Variants in SERPINA9 observed in about 807,000 individuals in gnomAD.
The protein encoded by SERPINA9 is serpin A9.
A neutral mutation model predicts 24.5 loss-of-function variants in SERPINA9; 32 were observed. The observed-to-expected ratio is 1.30, with a 90% CI of 0.98 to 1.75. The LOEUF is 1.75. SERPINA9 is among the 40% of genes most tolerant of loss of function. The probability of loss-of-function intolerance (pLI) is 0.00; values close to 1 mark genes in which losing one functional copy is unlikely to be tolerated. For synonymous variants in SERPINA9, 233 were observed against 197.7 expected (o/e 1.18, Z -1.50); for missense variants, 594 against 497.1 (o/e 1.19, Z -1.85).
chr14:94,466,147 C>T (rs1428214025), intron 3 of SERPINA9, among the ~76,000 whole-genome samples: 1 of 152,180 alleles, frequency 6.6e-6, no homozygotes, highest in East Asian at 1.9e-4. Context: ...GCCCCAGATG[C>T]AGCCTGAGAA....
intron 1 of SERPINA9, 130 bp from the exon 2 acceptor site, chr14:94,469,987 CA>C: frequency 1.3e-6 from 1 of 759,408 alleles, no homozygotes; most frequent in South Asian, 3.5e-5. Flanking sequence ...AGCTCTCTCA[CA>C]TAATCTCTGA....
At chr14:94,472,569 C>T (rs1239097016) in intron 1 of SERPINA9, among the ~76,000 whole-genome samples, 2 of 152,144 alleles carry the variant, frequency 1.3e-5, no homozygotes, top group Non-Finnish European at 2.9e-5. Flanking sequence ...TGAACATGTA[C>T]GCTTATTATG....
chr14:94,464,848 T>C lies in SERPINA9; in HGVS notation c.909A>G (p.Ile303Met), dbSNP rs766696907. 2.5e-6 allele frequency: 4 copies of C among 1,613,026 alleles called. No individual in the cohort carries two copies. The highest frequency in any genetic ancestry group is 3.3e-5 in the Admixed American group (2 of 59,840). ...KWSHSLQKRW[I>M]EVFIPRFSIS... is the part of the protein sequence containing the mutation. ...TGGAAAATCTGGGGATGAACACCTC[T>C]ATCCACCTGTGGAGTAGGGAAAAGG... The change falls in exon 4 of 5, where the codon ATA becomes ATG. Residue 303 changes from isoleucine to methionine, a missense_variant. Ile to Met is a conservative substitution (Grantham distance 10). Coordinates refer to ENST00000674397, the MANE Select transcript of SERPINA9 (RefSeq NM_175739.4).
chr14:94,475,531 T>C (rs1456483298), intron 1 of SERPINA9, among the ~76,000 whole-genome samples: 1 of 151,994 alleles, frequency 6.6e-6, no homozygotes, highest in African/African-American at 2.4e-5. Context: ...TGTCTCAACT[T>C]CCCTCAAAGG....
chr14:94,468,024 G>C (rs1899101319), intron 2 of SERPINA9, among the ~76,000 whole-genome samples: 1 of 151,582 alleles, frequency 6.6e-6, no homozygotes, highest in African/African-American at 2.4e-5. Flanking sequence ...GGATGAACAG[G>C]TTAATGGATA....
In SERPINA9 at chr14:94,469,319, C is replaced by T. The variant is rs1199629879; in HGVS notation, c.522G>A (p.Arg174=). The stretch of plus-strand genomic sequence containing the variant: ...TCTTCTTTTTCACATGGCTGTTGAT[C>T]CTCGCCTGGGCAATGGAGGGGTTGG... ...DFSNPSIAQA[R]INSHVKKKTQ... Residue 174 remains arginine (R), a synonymous_variant, in exon 2 of 5, where the codon AGG becomes AGA. Transcript: ENST00000674397. 6.8e-6 allele frequency: 11 copies of T among 1,614,214 alleles called. No individual in the cohort carries two copies. Among genetic ancestry groups the T allele is most frequent in the Non-Finnish European group, 8.5e-6 (10 of 1,180,054 alleles).
At chr14:94,464,415 A>C in intron 4 of SERPINA9, 1 of 487,040 alleles carries the variant, frequency 2.1e-6, no homozygotes. Context: ...AACTTCAGGG[A>C]GGAAGAAAGT....
chr14:94,469,140 G>A, intron 2 of SERPINA9, 73 bp downstream of exon 2: 1 of 1,386,078 alleles, frequency 7.2e-7, no homozygotes, highest in Non-Finnish European at 9.9e-7. Context: ...TCTGGCTTGT[G>A]TATTTCACTA....
rs909612932 is a variant in SERPINA9 at position 94,465,111 on chromosome 14, G to A, written c.903-257C>T. ...GGGTGCAGAGGTGAAAAAGCAGTCA[G>A]CAAGGGAGTCTATGGCAGAAACCAA... On this transcript the variant is annotated intron_variant, in intron 3 of 4. Coordinates refer to ENST00000674397, the MANE Select transcript of SERPINA9 (RefSeq NM_175739.4). Among the ~76,000 whole-genome samples the A allele has an allele frequency of 3.3e-5, 5 of 152,278 alleles. No homozygotes were observed. The East Asian group carries it at 9.7e-4, about 29-fold the overall frequency.
In SERPINA9 at chr14:94,467,271, G is replaced by A. The variant is rs781778233; in HGVS notation, c.740C>T (p.Ala247Val). ...VPMMHQKEQFAFGVDTELNCF... is the reference protein window; with the variant it reads ...VPMMHQKEQFVFGVDTELNCF... ...GTTCAGCTCTGTATCCACCCCAAAA[G>A]CGAACTGCTCTTTCTGGTGCATCAT... Residue 247 changes from alanine to valine, a missense_variant, in exon 3 of 5, where the codon GCT becomes GTT. Ala to Val is a moderately conservative substitution (Grantham distance 64, BLOSUM62 0). Transcript: ENST00000674397. 5.6e-6 allele frequency: 9 copies of A among 1,614,122 alleles called. No homozygotes were observed. The highest frequency in any genetic ancestry group is 7.6e-6 in the Non-Finnish European group (9 of 1,179,978).
chr14:94,466,484 T>G (rs183122623), intron 3 of SERPINA9, among the ~76,000 whole-genome samples: 2 of 152,354 alleles, frequency 1.3e-5, no homozygotes, highest in African/African-American at 4.8e-5. Flanking sequence ...AAAATCATTC[T>G]AAGATGCCAA....
At chr14:94,464,136 T>C (rs775077825) in intron 4 of SERPINA9, among the ~76,000 whole-genome samples, 1 of 152,212 alleles carries the variant, frequency 6.6e-6, no homozygotes, top group Non-Finnish European at 1.5e-5. Flanking sequence ...GGGGCACTCA[T>C]AGCTCAGCTC....
chr14:94,473,842 T>A (rs1899443737), intron 1 of SERPINA9, among the ~76,000 whole-genome samples: 1 of 152,224 alleles, frequency 6.6e-6, no homozygotes. Context: ...CAGTACTTTC[T>A]GTTTAGAGAA....
rs2139810142 is a variant in SERPINA9, at chr14:94,469,256, G to C, written c.585C>G (p.Asp195Glu). 1 of 1,613,978 alleles carries C rather than the reference G, an allele frequency of 6.2e-7. No individual in the cohort carries two copies. Among genetic ancestry groups the C allele is most frequent in the East Asian group, 2.2e-5 (1 of 44,882 alleles). Reference protein sequence around the residue: ...GKVVDIIQGLDLLTAMVLVNH... With the variant: ...GKVVDIIQGLELLTAMVLVNH... ...TCACCAGAACCATGGCCGTCAGAAGGTCAAGGCCTTGGATTATGTCTACAA... is the reference window on the plus strand; with the variant it reads ...TCACCAGAACCATGGCCGTCAGAAGCTCAAGGCCTTGGATTATGTCTACAA... The change falls in exon 2 of 5, where the codon GAC becomes GAG. Residue 195 changes from aspartate (D) to glutamate (E), a missense_variant. Coordinates refer to ENST00000674397, the MANE Select transcript of SERPINA9 (RefSeq NM_175739.4).
intron 2 of SERPINA9, among the ~76,000 whole-genome samples, chr14:94,468,496 G>A (rs1213893275): frequency 6.6e-6 from 1 of 152,148 alleles, no homozygotes; most frequent in Admixed American, 6.6e-5. Flanking sequence ...TATAAAGTTG[G>A]CTTTATCATC....
At position 94,476,137 on chromosome 14, in the gene SERPINA9, T is replaced by A; in HGVS notation, c.-19A>T. On this transcript the variant is annotated splice_region_variant and 5_prime_UTR_variant, in exon 1 of 5. The change creates a new upstream start codon in the 5' untranslated region. Coordinates refer to ENST00000674397, the MANE Select transcript of SERPINA9 (RefSeq NM_175739.4). ...TCTCTGCACCTCCTCCTTACCCACC[T>A]TTGCAGGTTCCTCTTCTCCTGCCCT... The A allele has an allele frequency of 6.2e-7, 1 of 1,614,192 alleles. No homozygotes were observed. Among genetic ancestry groups the A allele is most frequent in the Non-Finnish European group, 8.5e-7 (1 of 1,180,022 alleles).
chr14:94,472,977 A>T (rs1455405761), intron 1 of SERPINA9, among the ~76,000 whole-genome samples: 1 of 152,088 alleles, frequency 6.6e-6, no homozygotes, highest in Non-Finnish European at 1.5e-5. Flanking sequence ...CTGCCGAGAG[A>T]GGGGGCCCCA....
rs28618118 is a variant in SERPINA9 at position 94,467,136 on chromosome 14, C to A, written c.875G>T (p.Arg292Ile). Residue 292 changes from arginine to isoleucine, a missense_variant, in exon 3 of 5, where the codon AGA (arginine) becomes ATA (isoleucine). Coordinates refer to ENST00000674397, the MANE Select transcript of SERPINA9 (RefSeq NM_175739.4). ...LEQALSARTL[R>I]KWSHSLQKRW... Reference sequence around the variant, plus strand: ...TTTCTGGAGTGAGTGGCTCCACTTTCTCAGTGTTCTGGCTGACAAGGCCTG... The same window carrying A: ...TTTCTGGAGTGAGTGGCTCCACTTTATCAGTGTTCTGGCTGACAAGGCCTG... 0.31 allele frequency: 499,021 copies of A among 1,613,860 alleles called. 78,715 individuals are homozygous for A. Among genetic ancestry groups the A allele is most frequent in the East Asian group, 0.45 (20,153 of 44,872 alleles).
chr14:94,463,919 C>T (rs538149933), intron 4 of SERPINA9, among the ~76,000 whole-genome samples: 1 of 152,300 alleles, frequency 6.6e-6, no homozygotes, highest in African/African-American at 2.4e-5. Context: ...GGCCTCTCAA[C>T]ATTTTCTGAA....
Sources: allele counts gnomAD v4.1 joint callset (sites outside exome capture counted in the v4.1 genomes callset), GRCh38; gene constraint gnomAD v4.1.1; transcripts MANE v1.5; gene names NCBI Gene and HGNC (gene_info 2026-07-23, HGNC 2026-07-21).